Variants in OPCML observed in about 807,000 individuals in gnomAD.
OPCML encodes the protein opioid binding protein/cell adhesion molecule like, also known as opioid-binding protein/cell adhesion molecule.
Under a neutral mutation model 37.8 loss-of-function variants are expected in OPCML, and 13 were observed. The ratio of observed to expected loss-of-function variants is 0.34; its 90% CI spans 0.22 to 0.55. The LOEUF is 0.55. Ranked by LOEUF, OPCML falls within the 20% of genes least tolerant of loss-of-function variation. The pLI, the probability that OPCML is intolerant of heterozygous loss-of-function variation, is 0.91. For synonymous variants in OPCML, 176 were observed against 168.8 expected, an observed-to-expected ratio of 1.04 and a Z score of -0.33; for missense variants, 341 against 435.6, an observed-to-expected ratio of 0.78 and a Z score of 1.93.
At chr11:133,056,654 G>C (rs2136978592) in intron 1 of OPCML, among the ~76,000 whole-genome samples, 1 of 152,270 alleles carries the variant, frequency 6.6e-6, no homozygotes, top group African/African-American at 2.4e-5. Flanking sequence ...GATTAATTCA[G>C]CCTGATTCTA....
At chr11:133,104,185 G>A (rs1592004540) in intron 1 of OPCML, among the ~76,000 whole-genome samples, 1 of 152,324 alleles carries the variant, frequency 6.6e-6, no homozygotes, top group East Asian at 1.9e-4. Context: ...CTGCCAGAAG[G>A]CATAATGCTA....
chr11:133,033,963 T>C (rs1452367843), intron 1 of OPCML, among the ~76,000 whole-genome samples: 1 of 152,188 alleles, frequency 6.6e-6, no homozygotes, highest in South Asian at 2.1e-4. Flanking sequence ...CCAAATCCAT[T>C]TGTCTCCAAA....
At chr11:132,589,183 C>A (rs746812097) in intron 3 of OPCML, among the ~76,000 whole-genome samples, 3 of 152,058 alleles carry the variant, frequency 2.0e-5, no homozygotes, top group African/African-American at 7.2e-5. Context: ...ATTTTAGAAT[C>A]AACCAGACAA....
At chr11:132,663,699 G>C (rs374741070) in intron 2 of OPCML, among the ~76,000 whole-genome samples, 1 of 152,236 alleles carries the variant, frequency 6.6e-6, no homozygotes, top group East Asian at 1.9e-4. Context: ...CCAAGCGCTA[G>C]AATGAGCCAC....
At chr11:133,319,670 C>A (rs1943284622) in intron 1 of OPCML, among the ~76,000 whole-genome samples, 1 of 152,198 alleles carries the variant, frequency 6.6e-6, no homozygotes, top group African/African-American at 2.4e-5. Context: ...TAAGTCCGAG[C>A]CTGTCTAAGC....
At chr11:132,480,077 C>T (rs1325732862) in intron 4 of OPCML, among the ~76,000 whole-genome samples, 1 of 152,062 alleles carries the variant, frequency 6.6e-6, no homozygotes, top group Non-Finnish European at 1.5e-5. Context: ...CTCTGAGCTA[C>T]AGGAGGACAT....
At chr11:132,727,390 G>T (rs1944923979) in intron 2 of OPCML, among the ~76,000 whole-genome samples, 1 of 152,160 alleles carries the variant, frequency 6.6e-6, no homozygotes, top group Admixed American at 6.5e-5. Flanking sequence ...CCATTTATCT[G>T]TCCATTCAGA....
At chr11:133,497,049 G>C (rs1479102479) in intron 1 of OPCML, among the ~76,000 whole-genome samples, 1 of 152,138 alleles carries the variant, frequency 6.6e-6, no homozygotes, top group Non-Finnish European at 1.5e-5. Context: ...GTCATAGATG[G>C]CTTTTATTAC....
intron 2 of OPCML, among the ~76,000 whole-genome samples, chr11:132,737,465 T>C (rs1382319430): frequency 6.6e-6 from 1 of 152,222 alleles, no homozygotes; most frequent in Non-Finnish European, 1.5e-5. Flanking sequence ...TGAGAATGAT[T>C]ATATAACTAG....
chr11:133,471,622 TA>T (rs201473750), intron 1 of OPCML, among the ~76,000 whole-genome samples: 1 of 152,004 alleles, frequency 6.6e-6, no homozygotes, highest in African/African-American at 2.4e-5. Flanking sequence ...CATGATTTCT[TA>T]AAAAAAACAA....
intron 1 of OPCML, among the ~76,000 whole-genome samples, chr11:133,190,025 T>C (rs1405365182): frequency 3.3e-5 from 5 of 152,218 alleles, no homozygotes; most frequent in East Asian, 1.9e-4. Context: ...TCCAAAGGAC[T>C]TTACCACTTC....
chr11:132,688,586 T>C (rs1459109555), intron 2 of OPCML, among the ~76,000 whole-genome samples: 2 of 152,320 alleles, frequency 1.3e-5, no homozygotes, highest in East Asian at 3.9e-4. Context: ...GAAATAATGA[T>C]GGTATCACTG....
At chr11:132,997,151 G>A (rs963595451) in intron 1 of OPCML, among the ~76,000 whole-genome samples, 1 of 152,158 alleles carries the variant, frequency 6.6e-6, no homozygotes, top group African/African-American at 2.4e-5. Flanking sequence ...TGGGACTCTA[G>A]GTCCCCAGGA....
intron 3 of OPCML, among the ~76,000 whole-genome samples, chr11:132,604,302 G>A (rs1444989552): frequency 6.6e-6 from 1 of 151,940 alleles, no homozygotes; most frequent in Non-Finnish European, 1.5e-5. Flanking sequence ...ATACAGGGAG[G>A]AGTCCGTGCC....
Position 132,453,634 on chromosome 11 carries a change from A to C in OPCML, c.506-16275T>G, listed in dbSNP as rs1398304358. On this transcript the variant is annotated intron_variant, in intron 4 of 7. Transcript: ENST00000524381. ...ATATAAGCTTAGCAAGAAATAACCC[A>C]AAAAATGCATGGTGATTAAGCCCCT... Among the ~76,000 whole-genome samples, 13 of 152,226 alleles carry C rather than the reference A, an allele frequency of 8.5e-5. 1 individual carries two copies. Among genetic ancestry groups the C allele is most frequent in the Non-Finnish European group, 2.9e-5 (2 of 68,046 alleles).
At chr11:132,764,118 T>C (rs1266928840) in intron 2 of OPCML, among the ~76,000 whole-genome samples, 1 of 152,204 alleles carries the variant, frequency 6.6e-6, no homozygotes, top group Non-Finnish European at 1.5e-5. Flanking sequence ...AGCACAGAGA[T>C]GTTCCAAAGA....
intron 4 of OPCML, among the ~76,000 whole-genome samples, chr11:132,452,650 T>C (rs924661494): frequency 6.6e-6 from 1 of 152,022 alleles, no homozygotes; most frequent in South Asian, 2.1e-4. Flanking sequence ...CTTCACCTCC[T>C]TTTTTCATGT....
chr11:133,482,378 C>A (rs1316009634), intron 1 of OPCML, among the ~76,000 whole-genome samples: 1 of 152,114 alleles, frequency 6.6e-6, no homozygotes. Flanking sequence ...TCTGGTTCAC[C>A]GGTTTCATAC....
At chr11:133,392,109 A>G (rs760126970) in intron 1 of OPCML, among the ~76,000 whole-genome samples, 1 of 152,248 alleles carries the variant, frequency 6.6e-6, no homozygotes, top group Non-Finnish European at 1.5e-5. Flanking sequence ...GTTAAAGTTA[A>G]TGCTTACTGA....
Sources: gnomAD v4.1 joint callset for allele counts (sites outside exome capture counted in the v4.1 genomes callset) on GRCh38, gnomAD v4.1.1 for gene constraint, MANE v1.5 for transcripts, NCBI Gene and HGNC (gene_info 2026-07-23, HGNC 2026-07-21) for gene names.